Variants in MARCHF6 observed in about 807,000 individuals in gnomAD.
MARCHF6 encodes E3 ubiquitin-protein ligase MARCHF6.
MARCHF6 carries 31 observed loss-of-function variants against 133.7 expected under a neutral mutation model. The observed-to-expected ratio is 0.23, with a 90% CI of 0.17 to 0.31. The LOEUF is 0.31. Ranked by LOEUF, MARCHF6 falls within the 10% of genes least tolerant of loss-of-function variation. MARCHF6 has a pLI of 1.00. For missense variants in MARCHF6, 723 were observed against 1,121.6 expected, an observed-to-expected ratio of 0.64 and a Z score of 5.08; for synonymous variants, 395 against 402.5, an observed-to-expected ratio of 0.98 and a Z score of 0.22.
intron 1 of MARCHF6, among the ~76,000 whole-genome samples, chr5:10,373,665 G>A (rs905950254): frequency 5.9e-4 from 90 of 152,120 alleles, no homozygotes; most frequent in African/African-American, 2.0e-3. Context: ...GGAGGGCAGC[G>A]TCCCACGGGT....
intron 17 of MARCHF6, among the ~76,000 whole-genome samples, chr5:10,408,134 A>G (rs1033786109): frequency 1.3e-5 from 2 of 152,114 alleles, no homozygotes; most frequent in African/African-American, 4.8e-5. Flanking sequence ...TGCCAATTCT[A>G]ATTTCTTAAA....
intron 10 of MARCHF6, among the ~76,000 whole-genome samples, chr5:10,399,081 G>A (rs911462968): frequency 6.6e-6 from 1 of 152,158 alleles, no homozygotes; most frequent in African/African-American, 2.4e-5. Flanking sequence ...ATTAGTTTGT[G>A]TGTAATGGGA....
intron 15 of MARCHF6, among the ~76,000 whole-genome samples, chr5:10,404,170 TGATTC>T: frequency 1.3e-5 from 2 of 152,032 alleles, no homozygotes; most frequent in South Asian, 4.2e-4. Context: ...CAAGTTCAAG[TGATTC>T]TCCTGCTTGA....
intron 24 of MARCHF6, among the ~76,000 whole-genome samples, chr5:10,428,346 T>TC (rs1163651523): frequency 7.0e-6 from 1 of 142,520 alleles, no homozygotes; most frequent in African/African-American, 2.6e-5. Context: ...TTTTTTTTTT[T>TC]TTTTTTTTTT....
At chr5:10,414,336 A>G (rs908840215) in intron 19 of MARCHF6, 97 bp from the exon 20 acceptor site, 11 of 718,232 alleles carry the variant, frequency 1.5e-5, no homozygotes, top group African/African-American at 1.4e-4. Flanking sequence ...GCAAATATAG[A>G]TGATTTCTTT....
At chr5:10,360,778 A>G (rs777528439) in intron 1 of MARCHF6, among the ~76,000 whole-genome samples, 1 of 152,222 alleles carries the variant, frequency 6.6e-6, no homozygotes, top group Non-Finnish European at 1.5e-5. Flanking sequence ...AAGAATCATG[A>G]CTGGCTGTGT....
chr5:10,386,742 A>T (rs916624937), intron 4 of MARCHF6, among the ~76,000 whole-genome samples: 6 of 152,064 alleles, frequency 3.9e-5, no homozygotes, highest in African/African-American at 7.2e-5. Context: ...CTCATTCAAT[A>T]AAAAAAAGCA....
chr5:10,386,954 G>C (rs78381039), intron 4 of MARCHF6, 40 bp from the exon 5 acceptor site: 1 of 1,506,126 alleles, frequency 6.6e-7, no homozygotes, highest in South Asian at 1.1e-5. Flanking sequence ...AATTCATGAT[G>C]CGAGTTGTGA....
intron 1 of MARCHF6, among the ~76,000 whole-genome samples, chr5:10,362,561 CAAT>C (rs1735890018): frequency 6.6e-6 from 1 of 152,088 alleles, no homozygotes; most frequent in Non-Finnish European, 1.5e-5. Flanking sequence ...TTAAAAGTAA[CAAT>C]AAACTCAATA....
At chr5:10,405,950 A>G (rs546709980) in intron 16 of MARCHF6, among the ~76,000 whole-genome samples, 2 of 152,196 alleles carry the variant, frequency 1.3e-5, no homozygotes, top group African/African-American at 4.8e-5. Flanking sequence ...TTGGCTGGGT[A>G]CTGGTGCATG....
intron 9 of MARCHF6, among the ~76,000 whole-genome samples, chr5:10,395,671 A>G (rs995329672): frequency 1.3e-5 from 2 of 152,206 alleles, no homozygotes; most frequent in African/African-American, 4.8e-5. Context: ...TGGTTGGAAC[A>G]TTAATTTAAC....
At chr5:10,428,416 G>A (rs1424276897) in intron 24 of MARCHF6, among the ~76,000 whole-genome samples, 2 of 132,386 alleles carry the variant, frequency 1.5e-5, no homozygotes, top group African/African-American at 5.8e-5. Flanking sequence ...GTCTCGGCTC[G>A]CTGCAACCTC....
chr5:10,373,062 A>T (rs1319811580), intron 1 of MARCHF6, among the ~76,000 whole-genome samples: 1 of 144,864 alleles, frequency 6.9e-6, no homozygotes, highest in South Asian at 2.2e-4. Context: ...CCTGTCTCTT[A>T]AAAAAAAAAA....
chr5:10,386,393 G>A (rs1737483214), intron 4 of MARCHF6, among the ~76,000 whole-genome samples: 1 of 152,178 alleles, frequency 6.6e-6, no homozygotes, highest in African/African-American at 2.4e-5. Context: ...CTAGAATTCT[G>A]CTTTCCTGAC....
rs540973800 is a variant in MARCHF6 at position 10,400,780 on chromosome 5, T to G, written c.914-4T>G. The G allele has an allele frequency of 6.2e-7, 1 of 1,611,166 alleles. No homozygotes were observed. The highest frequency in any genetic ancestry group is 2.2e-5 in the East Asian group (1 of 44,840). ...TTTTCATGGAATTTTTTCCCCCTTT[T>G]TAGCATTTTGCCCTTACCATATTGG... On this transcript the variant is annotated splice_region_variant and splice_polypyrimidine_tract_variant and intron_variant, in intron 10 of 25. Transcript: ENST00000274140.
intron 1 of MARCHF6, among the ~76,000 whole-genome samples, chr5:10,355,571 A>G (rs1429821154): frequency 1.3e-5 from 2 of 152,266 alleles, no homozygotes; most frequent in Admixed American, 6.5e-5. Flanking sequence ...TAAAATTATA[A>G]TCAGGATAAG....
intron 1 of MARCHF6, among the ~76,000 whole-genome samples, chr5:10,356,343 A>ATTTTATTTTATTTTATTTTATTTTAT (rs544284130): frequency 2.0e-5 from 2 of 101,448 alleles, no homozygotes; most frequent in South Asian, 3.2e-4. Flanking sequence ...TCTGTTTTTT[A>ATTTTATTTTATTTTATTTTATTTTAT]TTTATTTTAT....
chr5:10,372,323 T>G (rs1003081970), intron 1 of MARCHF6, among the ~76,000 whole-genome samples: 1 of 152,226 alleles, frequency 6.6e-6, no homozygotes, highest in Admixed American at 6.5e-5. Context: ...ATATAATGCT[T>G]TATGAAATGT....
intron 15 of MARCHF6, among the ~76,000 whole-genome samples, chr5:10,404,216 C>T (rs1738736833): frequency 6.6e-6 from 1 of 151,960 alleles, no homozygotes. Flanking sequence ...TGCAGGCACC[C>T]ACCACCATGC....
Sources: allele counts gnomAD v4.1 joint callset (sites outside exome capture counted in the v4.1 genomes callset), GRCh38; gene constraint gnomAD v4.1.1; transcripts MANE v1.5; gene names NCBI Gene and HGNC (gene_info 2026-07-23, HGNC 2026-07-21).